ABCC10: variants seen among roughly 807,000 people sequenced by gnomAD.
ABCC10 encodes ATP binding cassette subfamily C member 10, also known as ATP-binding cassette sub-family C member 10.
In ABCC10, 110 loss-of-function variants were observed where a neutral mutation model predicts 143.2. The ratio of observed to expected loss-of-function variants is 0.77; its 90% confidence interval spans 0.66 to 0.90. The LOEUF (loss-of-function observed/expected upper bound fraction) is 0.90, where lower values mean the gene tolerates loss of function less well. Among genes scored for constraint, ABCC10 ranks in the 40% least tolerant of loss-of-function variants. The pLI, the probability that ABCC10 is intolerant of heterozygous loss-of-function variation, is 0.00. For missense variants in ABCC10, 1,700 were observed against 1,900.5 expected, an observed-to-expected ratio of 0.89 and a Z score of 1.96; for synonymous variants, 805 against 846.7, an observed-to-expected ratio of 0.95 and a Z score of 0.85.
rs1581791651 is a variant in ABCC10 at position 43,447,875 on chromosome 6, C to G, written c.3897C>G (p.Pro1299=). 6.2e-7 allele frequency: 1 copy of G among 1,613,954 alleles called. No homozygotes were observed. The highest frequency in any genetic ancestry group is 8.5e-7 in the Non-Finnish European group (1 of 1,180,040). The change falls in exon 18 of 22, where the codon CCC becomes CCG. Residue 1299 remains proline (P), a synonymous_variant. Transcript: ENST00000372530. ...TGGTGCTCTTCCGGCTGCTAGAGCC[C>G]AGTTCAGGGCGAGTGCTGCTGGACG... is the stretch of plus-strand genomic sequence containing the variant. ...LLLVLFRLLE[P]SSGRVLLDGV...
At chr6:43,450,874 G>C (rs750868640), downstream of ABCC10, 2 of 1,614,176 alleles carry the variant, frequency 1.2e-6, no homozygotes, top group South Asian at 1.1e-5. The surrounding 1 kb of genome is among the most constrained non-coding windows in gnomAD (Gnocchi z 4.5). Flanking sequence ...CCCGTGGCAG[G>C]TACCACTACA....
chr6:43,443,733 C>T lies in ABCC10; in HGVS notation c.2417-200C>T. On this transcript the variant is annotated intron_variant, in intron 10 of 21. Coordinates refer to ENST00000372530, the MANE Select transcript of ABCC10 (RefSeq NM_001198934.2). This position sits in a 1 kb window ranked among gnomAD's most constrained non-coding sequence, Gnocchi z 4.2. ...TTTACAAGGATGGACTTGAGTCCTG[C>T]TCGAGGTCTAGGGGTATCCAGAGCA... is the stretch of plus-strand genomic sequence containing the variant. The T allele has an allele frequency of 1.8e-6, 1 of 566,334 alleles. No individual in the cohort carries two copies. The highest frequency in any genetic ancestry group is 4.8e-4 in the Middle Eastern group (1 of 2,066). The allele number at this position is 566,334 out of a possible 1,614,324, so 35.1% of individuals were successfully genotyped here.
chr6:43,444,379 A>C, intron 12 of ABCC10, 26 bp downstream of exon 12: 1 of 1,575,426 alleles, frequency 6.3e-7, no homozygotes, highest in Non-Finnish European at 8.6e-7. Context: ...GGAGTCTCTT[A>C]CATCGTAACG....
chr6:43,438,204 A>C, intron 7 of ABCC10, 191 bp downstream of exon 7: 1 of 893,850 alleles, frequency 1.1e-6, no homozygotes, highest in Non-Finnish European at 1.7e-6. Flanking sequence ...TCATTACACC[A>C]GAGTGTTTTA....
At chr6:43,450,879 A>T, downstream of ABCC10, 1 of 1,614,154 alleles carries the variant, frequency 6.2e-7, no homozygotes, top group Non-Finnish European at 8.5e-7. The surrounding 1 kb of genome is among the most constrained non-coding windows in gnomAD (Gnocchi z 4.5). Flanking sequence ...GGCAGGTACC[A>T]CTACAGCTGA....
chr6:43,434,565 G>A (rs1781482194), intron 3 of ABCC10, 56 bp from the exon 4 acceptor site: 4 of 1,516,566 alleles, frequency 2.6e-6, no homozygotes, highest in East Asian at 2.3e-5. Context: ...GCTTGGCAGG[G>A]AAGACACATG....
intron 8 of ABCC10, among the ~76,000 whole-genome samples, chr6:43,440,137 A>G (rs1304376932): frequency 1.3e-5 from 2 of 151,160 alleles, no homozygotes; most frequent in Non-Finnish European, 3.0e-5. Flanking sequence ...TTGTATTTTT[A>G]GTAGAGATGG....
intron 4 of ABCC10, chr6:43,435,127 C>T (rs1781549274): frequency 2.7e-6 from 1 of 375,050 alleles, no homozygotes; most frequent in African/African-American, 2.0e-5. Context: ...TTCTAATGGC[C>T]TTAGGAAAAA....
In ABCC10 at chr6:43,448,106, G is replaced by C. The variant is rs994459840; in HGVS notation, c.3959+169G>C. 2.8e-6 allele frequency: 3 copies of C among 1,062,266 alleles called. No individual in the cohort carries two copies. In the African/African-American group the frequency reaches 4.7e-5, roughly 17 times the overall value. The allele number at this position is 1,062,266 out of a possible 1,614,324, so 65.8% of individuals were successfully genotyped here. ...AAGGACAGCGAACTCCTAGTGCCCA[G>C]GTCCAGATTCATGGCTGGTGATCTC... On this transcript the variant is annotated intron_variant, in intron 18 of 21. Coordinates refer to ENST00000372530, the MANE Select transcript of ABCC10 (RefSeq NM_001198934.2).
At position 43,433,319 on chromosome 6, in the gene ABCC10, A is replaced by C; in HGVS notation, c.1339A>C (p.Ser447Arg). The stretch of plus-strand genomic sequence containing the variant: ...AGTGATTGCCACCCGCATCATGGCC[A>C]GCAACCAGGAAATGCTACAGCACAA... ...NKVIATRIMA[S>R]NQEMLQHKDA... Residue 447 changes from serine to arginine, a missense_variant, in exon 3 of 22, where the codon AGC becomes CGC. Coordinates refer to ENST00000372530, the MANE Select transcript of ABCC10 (RefSeq NM_001198934.2). 6.2e-7 allele frequency: 1 copy of C among 1,613,930 alleles called. No individual in the cohort carries two copies. Among genetic ancestry groups the C allele is most frequent in the South Asian group, 1.1e-5 (1 of 91,084 alleles).
chr6:43,433,297 G>T lies in ABCC10; in HGVS notation c.1317G>T (p.Val439=). ...TGCTGCTGGTACCCGTCAACAAAGT[G>T]ATTGCCACCCGCATCATGGCCAGCA... ...LALLLVPVNK[V]IATRIMASNQ... is the part of the protein sequence containing the mutation. Residue 439 remains valine, a synonymous_variant, in exon 3 of 22, where the codon GTG becomes GTT. Transcript: ENST00000372530. 6.2e-7 allele frequency: 1 copy of T among 1,614,196 alleles called. No individual in the cohort carries two copies. Among genetic ancestry groups the T allele is most frequent in the South Asian group, 1.1e-5 (1 of 91,084 alleles).
chr6:43,433,243 G>C lies in ABCC10; in HGVS notation c.1263G>C (p.Val421=), dbSNP rs758333726. 4.3e-6 allele frequency: 7 copies of C among 1,614,190 alleles called. 1 individual carries two copies. The South Asian group carries it at 7.7e-5, about 18-fold the overall frequency. ...TLYLLYQQVG[V]AFVGGLILAL... ...ACCTGCTGTACCAGCAGGTAGGCGTGGCCTTCGTGGGTGGTCTCATCTTGG... is the reference window on the plus strand; with the variant it reads ...ACCTGCTGTACCAGCAGGTAGGCGTCGCCTTCGTGGGTGGTCTCATCTTGG... The change falls in exon 3 of 22, where the codon GTG becomes GTC. Residue 421 remains valine (V), a synonymous_variant. Transcript: ENST00000372530.
At chr6:43,435,624 T>TGGCC in intron 4 of ABCC10, 127 bp from the exon 5 acceptor site, 1 of 1,128,444 alleles carries the variant, frequency 8.9e-7, no homozygotes, top group East Asian at 2.6e-5. Context: ...ATCCCAGGAT[T>TGGCC]GGCCAGCCAG....
chr6:43,437,391 T>A (rs547575231), intron 6 of ABCC10, among the ~76,000 whole-genome samples: 54 of 132,128 alleles, frequency 4.1e-4, no homozygotes, highest in African/African-American at 1.5e-3. Context: ...TTTTTTTTTT[T>A]ATATTTTTTT....
chr6:43,447,360 A>C lies in ABCC10; in HGVS notation c.3657A>C (p.Glu1219Asp), dbSNP rs1356101509. 1 of 1,613,150 alleles carries C rather than the reference A, an allele frequency of 6.2e-7. No homozygotes were observed. The highest frequency in any genetic ancestry group is 1.7e-5 in the Admixed American group (1 of 59,984). The change falls in exon 17 of 22, where the codon GAA (glutamate) becomes GAC (aspartate). Residue 1219 changes from glutamate to aspartate, a missense_variant. By Grantham distance (45) the Glu-to-Asp change is conservative. Transcript: ENST00000372530. ...TGCTGGTGAGCGTCGAGCGGCTGGA[A>C]GAGTACACCTGTGACCTGCCCCAGG... ...EAMLVSVERL[E>D]EYTCDLPQEP...
At chr6:43,438,327 T>G in intron 7 of ABCC10, 1 of 1,408,738 alleles carries the variant, frequency 7.1e-7, no homozygotes, top group Non-Finnish European at 9.2e-7. Flanking sequence ...AGGGAGGACC[T>G]TGTTTTCAGA....
chr6:43,429,026 C>T (rs190330300), intron 2 of ABCC10, among the ~76,000 whole-genome samples: 1 of 152,312 alleles, frequency 6.6e-6, no homozygotes, highest in African/African-American at 2.4e-5. Context: ...GATTCATCCG[C>T]CCCCTGGGAA....
chr6:43,449,129 T>G lies in ABCC10; in HGVS notation c.4128T>G (p.Gly1376=). 1 of 1,613,808 alleles carries G rather than the reference T, an allele frequency of 6.2e-7. No individual in the cohort carries two copies. The highest frequency in any genetic ancestry group is 8.5e-7 in the Non-Finnish European group (1 of 1,179,950). The stretch of plus-strand genomic sequence containing the variant: ...CAGGTGGTCTGGATGGTGAGCTGGG[T>G]GAGGGGGGCCGGAGCTTATCTCTTG... The part of the protein sequence containing the change: ...TSMGGLDGEL[G]EGGRSLSLGQ... The change falls in exon 20 of 22, where the codon GGT becomes GGG. Residue 1376 remains glycine (G), a synonymous_variant. Coordinates refer to ENST00000372530, the MANE Select transcript of ABCC10 (RefSeq NM_001198934.2).
chr6:43,436,192 G>A lies in ABCC10; in HGVS notation c.1820G>A (p.Trp607Ter). Reference protein sequence around the residue: ...VLELHGALFSWDPVGTSLETF... With the variant: ...VLELHGALFS ...GAGCTGCATGGAGCCTTGTTCTCCT[G>A]GGACCCAGTTGGAACCAGCCTGGAG... The change falls in exon 6 of 22, where the codon TGG (tryptophan) becomes TAG (stop). Residue 607 changes from tryptophan (W) to a stop codon, truncating the protein, a stop_gained. Transcript: ENST00000372530. LOFTEE classifies it high-confidence loss of function. 6.2e-7 allele frequency: 1 copy of A among 1,614,176 alleles called. No homozygotes were observed. Among genetic ancestry groups the A allele is most frequent in the Non-Finnish European group, 8.5e-7 (1 of 1,180,026 alleles).
Sources: allele counts gnomAD v4.1 joint callset (sites outside exome capture counted in the v4.1 genomes callset), GRCh38; gene constraint gnomAD v4.1.1; non-coding constraint Gnocchi (gnomAD v3.1); transcripts MANE v1.5; gene names NCBI Gene and HGNC (gene_info 2026-07-23, HGNC 2026-07-21).